Variants in TNFRSF11A observed in about 807,000 individuals in gnomAD.
The protein encoded by TNFRSF11A is tumor necrosis factor receptor superfamily member 11A.
A neutral mutation model predicts 55.7 loss-of-function variants in TNFRSF11A; 32 were observed. That is an observed-to-expected ratio of 0.57 (90% CI 0.43 to 0.77). The LOEUF is 0.77. Ranked by LOEUF, TNFRSF11A falls within the 30% of genes least tolerant of loss-of-function variation. The pLI is 0.00. For missense variants in TNFRSF11A, 753 were observed against 809.8 expected (o/e 0.93, Z 0.85); for synonymous variants, 311 against 331.0 (o/e 0.94, Z 0.65).
rs1308511748 is a variant in TNFRSF11A, at chr18:62,325,317, G to C, written c.-36G>C. 3.0e-6 allele frequency: 3 copies of C among 985,184 alleles called. No homozygotes were observed. Among genetic ancestry groups the C allele is most frequent in the African/African-American group, 3.5e-5 (2 of 56,628 alleles). The allele number at this position is 985,184 out of a possible 1,614,324, so 61.0% of individuals were successfully genotyped here. A position where few individuals can be genotyped will look rare whatever the true frequency, so the allele number is the denominator to read the frequency against. ...CCGCGCCCGCTGGGCCACAGAGGCC[G>C]CTGAGGCCGCGGCGCCCGCCAGCCT... is the stretch of plus-strand genomic sequence containing the variant. On this transcript the variant is annotated 5_prime_UTR_variant, in exon 1 of 10. Coordinates refer to ENST00000586569, the MANE Select transcript of TNFRSF11A (RefSeq NM_003839.4). This position sits in a 1 kb window ranked among gnomAD's most constrained non-coding sequence, Gnocchi z 4.7.
At chr18:62,354,287 G>A in intron 3 of TNFRSF11A, 104 bp from the exon 4 acceptor site, 1 of 1,386,100 alleles carries the variant, frequency 7.2e-7, no homozygotes, top group East Asian at 2.6e-5. Context: ...GGCCTGCCAG[G>A]CGGGCTGCTG....
chr18:62,353,162 A>AGGGT (rs935417645), intron 3 of TNFRSF11A, among the ~76,000 whole-genome samples: 1 of 152,222 alleles, frequency 6.6e-6, no homozygotes, highest in African/African-American at 2.4e-5. Flanking sequence ...AGTGGATTAC[A>AGGGT]GGGTGAGGTT....
intron 2 of TNFRSF11A, among the ~76,000 whole-genome samples, chr18:62,348,485 C>T (rs2046417906): frequency 6.6e-6 from 1 of 152,164 alleles, no homozygotes; most frequent in African/African-American, 2.4e-5. Context: ...TTAATTTGGG[C>T]TGAAACACAA....
chr18:62,384,720 C>A, intron 9 of TNFRSF11A, 31 bp from the exon 10 acceptor site: 1 of 1,607,142 alleles, frequency 6.2e-7, no homozygotes, highest in Non-Finnish European at 8.5e-7. Context: ...CTGACTCACC[C>A]TCCCCGTGTT....
chr18:62,374,672 G>T (rs1243362398), intron 9 of TNFRSF11A, among the ~76,000 whole-genome samples: 1 of 152,154 alleles, frequency 6.6e-6, no homozygotes, highest in East Asian at 1.9e-4. Context: ...TTCTGTCAGG[G>T]ATTGTGTTCT....
Position 62,347,956 on chromosome 18 carries a change from G to A in TNFRSF11A, c.76-212G>A, listed in dbSNP as rs973212927. 1.3e-4 allele frequency among the ~76,000 whole-genome samples: 19 copies of A among 151,284 alleles called. No homozygotes were observed. The East Asian group carries it at 3.5e-3, about 28-fold the overall frequency. On this transcript the variant is annotated intron_variant, in intron 1 of 9. Coordinates refer to ENST00000586569, the MANE Select transcript of TNFRSF11A (RefSeq NM_003839.4). ...ACCCTGTAATCCCAGCTACTCAGGA[G>A]GCTAAAGTAGGAGAATCGCTTGAGC...
At chr18:62,355,087 C>T (rs1449631661) in intron 4 of TNFRSF11A, among the ~76,000 whole-genome samples, 3 of 152,120 alleles carry the variant, frequency 2.0e-5, no homozygotes, top group South Asian at 2.1e-4. Flanking sequence ...TTTAAATGCG[C>T]CAATTGTATT....
rs556680047 is a variant in TNFRSF11A at position 62,365,200 on chromosome 18, G to A, written c.731-1508G>A. ...TGGTCTCAAACTCCTGAGCTGAAGC[G>A]GTCCGCCCACCTCAGCCTCCCAAAG... On this transcript the variant is annotated intron_variant, in intron 7 of 9. Transcript: ENST00000586569. 7.2e-5 allele frequency among the ~76,000 whole-genome samples: 11 copies of A among 152,158 alleles called. No individual in the cohort carries two copies. In the East Asian group the frequency reaches 9.7e-4, roughly 13 times the overall value.
chr18:62,354,759 T>C (rs1039677294), intron 4 of TNFRSF11A, among the ~76,000 whole-genome samples: 1 of 152,186 alleles, frequency 6.6e-6, no homozygotes, highest in South Asian at 2.1e-4. Flanking sequence ...GCGGGCAATT[T>C]GCCTACATGC....
rs1416645201 is a variant in TNFRSF11A at position 62,349,864 on chromosome 18, C to G, written c.210C>G (p.Pro70=). 1 of 1,614,126 alleles carries G rather than the reference C, an allele frequency of 6.2e-7. No individual in the cohort carries two copies. The highest frequency in any genetic ancestry group is 8.5e-7 in the Non-Finnish European group (1 of 1,180,012). The change falls in exon 3 of 10, where the codon CCC becomes CCG. Residue 70 remains proline, a synonymous_variant. Coordinates refer to ENST00000586569, the MANE Select transcript of TNFRSF11A (RefSeq NM_003839.4). Reference sequence around the variant, plus strand: ...CTACCTCTGACAGTGTATGTCTGCCCTGTGGCCCGGATGAATACTTGGATA... The same window carrying G: ...CTACCTCTGACAGTGTATGTCTGCCGTGTGGCCCGGATGAATACTTGGATA... ...CTTTSDSVCL[P]CGPDEYLDSW... is the part of the protein sequence containing the mutation.
intron 8 of TNFRSF11A, among the ~76,000 whole-genome samples, chr18:62,367,178 A>G (rs899110744): frequency 6.6e-6 from 1 of 152,208 alleles, no homozygotes; most frequent in Non-Finnish European, 1.5e-5. Flanking sequence ...GGGCATTTCC[A>G]GGTTCAGTGA....
chr18:62,354,258 C>G, intron 3 of TNFRSF11A, 133 bp from the exon 4 acceptor site: 2 of 1,164,630 alleles, frequency 1.7e-6, no homozygotes, highest in South Asian at 1.7e-5. Context: ...CGAGCAGTGT[C>G]CTGGTGATTC....
chr18:62,380,351 TAAAG>T (rs1200022770), intron 9 of TNFRSF11A, among the ~76,000 whole-genome samples: 3 of 152,332 alleles, frequency 2.0e-5, no homozygotes, highest in African/African-American at 7.2e-5. Flanking sequence ...TTAGGTTTGT[TAAAG>T]AAACACTTGA....
At position 62,390,182 on chromosome 18, in the gene TNFRSF11A, TG is replaced by T. The variant is rs1911943567; in HGVS notation, c.*5151del. On this transcript the variant is annotated 3_prime_UTR_variant, in exon 10 of 10. Coordinates refer to ENST00000586569, the MANE Select transcript of TNFRSF11A (RefSeq NM_003839.4). ...CTATAACCAAGCTCTGCTGCCCACCTGGGACACCTTCCCACTCTTTGCAACT... is the reference window on the plus strand; with the variant it reads ...CTATAACCAAGCTCTGCTGCCCACCTGGACACCTTCCCACTCTTTGCAACT... 6.6e-6 allele frequency: 1 copy of T among 152,228 alleles called. No homozygotes were observed. The highest frequency in any genetic ancestry group is 1.5e-5 in the Non-Finnish European group (1 of 68,056). The allele number at this position is 152,228 out of a possible 1,614,324, so 9.4% of individuals were successfully genotyped here.
chr18:62,390,799 G>A lies in TNFRSF11A; in HGVS notation c.*5765G>A, dbSNP rs1013269834. 6.6e-6 allele frequency: 1 copy of A among 152,130 alleles called. No individual in the cohort carries two copies. The highest frequency in any genetic ancestry group is 2.4e-5 in the African/African-American group (1 of 41,422). 9.4% of individuals were successfully genotyped at this position (152,130 alleles called of 1,614,324 possible). The stretch of plus-strand genomic sequence containing the variant: ...TTAAAATGAATGTTTAAAGTTCTTA[G>A]AAGAGCTTTCTCTAAATATTTACTC... On this transcript the variant is annotated 3_prime_UTR_variant, in exon 10 of 10. Transcript: ENST00000586569.
At position 62,383,103 on chromosome 18, in the gene TNFRSF11A, G is replaced by A. The variant is rs139839621; in HGVS notation, c.1568-1648G>A. The stretch of plus-strand genomic sequence containing the variant: ...TAGGTGGTAAACAGGAATGCCAACG[G>A]GCCTCCCTCATGCTAATTGGGGGTT... On this transcript the variant is annotated intron_variant, in intron 9 of 9. Coordinates refer to ENST00000586569, the MANE Select transcript of TNFRSF11A (RefSeq NM_003839.4). The surrounding 1 kb of genome is among the most constrained non-coding windows in gnomAD (Gnocchi z 4.2). Among the ~76,000 whole-genome samples, 6 of 152,210 alleles carry A rather than the reference G, an allele frequency of 3.9e-5. No individual in the cohort carries two copies. The highest frequency in any genetic ancestry group is 1.4e-4 in the African/African-American group (6 of 41,518).
chr18:62,355,186 T>G (rs1300029708), intron 4 of TNFRSF11A, among the ~76,000 whole-genome samples: 2 of 152,238 alleles, frequency 1.3e-5, no homozygotes, highest in Non-Finnish European at 2.9e-5. Context: ...CTGATATATT[T>G]TTTATGCTTG....
In TNFRSF11A at chr18:62,368,812, A is replaced by G. The variant is rs1367013919; in HGVS notation, c.895A>G (p.Met299Val). ...TLEEKTFPED[M>V]CYPDQGGVCQ... ...GGAGGAGAAGACATTTCCAGAAGATATGTGCTACCCAGATCAAGGTGGTGT... is the reference window on the plus strand; with the variant it reads ...GGAGGAGAAGACATTTCCAGAAGATGTGTGCTACCCAGATCAAGGTGGTGT... Residue 299 changes from methionine (M) to valine (V), a missense_variant, in exon 9 of 10, where the codon ATG becomes GTG. This residue lies in a region of TNFRSF11A where 567 missense variants were observed against 596.7 expected (regional missense o/e 0.95). Transcript: ENST00000586569. 2 of 1,614,136 alleles carry G rather than the reference A, an allele frequency of 1.2e-6. No individual in the cohort carries two copies. Among genetic ancestry groups the G allele is most frequent in the African/African-American group, 2.7e-5 (2 of 74,948 alleles).
At chr18:62,327,804 A>C (rs2046096989) in intron 1 of TNFRSF11A, among the ~76,000 whole-genome samples, 1 of 152,224 alleles carries the variant, frequency 6.6e-6, no homozygotes. Context: ...AAAGGCTATA[A>C]GTTTTGCCCT....
Sources: allele counts gnomAD v4.1 joint callset (sites outside exome capture counted in the v4.1 genomes callset), GRCh38; gene constraint gnomAD v4.1.1; regional missense constraint gnomAD v4.1.1; non-coding constraint Gnocchi (gnomAD v3.1); transcripts MANE v1.5; gene names NCBI Gene and HGNC (gene_info 2026-07-23, HGNC 2026-07-21).